FHIT: variants seen among roughly 807,000 people sequenced by gnomAD.
The protein encoded by FHIT is bis(5'-adenosyl)-triphosphatase.
FHIT carries 19 observed loss-of-function variants against 17.9 expected under a neutral mutation model. The observed-to-expected ratio is 1.06, with a 90% CI of 0.74 to 1.56. The LOEUF is 1.56. Ranked by LOEUF, FHIT falls within the 40% of genes most tolerant of loss-of-function variation. FHIT has a pLI of 0.00. For missense variants in FHIT, 248 were observed against 189.2 expected, an observed-to-expected ratio of 1.31 and a Z score of -1.82; for synonymous variants, 81 against 69.7, an observed-to-expected ratio of 1.16 and a Z score of -0.81.
intron 5 of FHIT, among the ~76,000 whole-genome samples, chr3:60,310,772 T>C (rs971989657): frequency 2.6e-5 from 4 of 152,150 alleles, no homozygotes; most frequent in Admixed American, 2.6e-4. Flanking sequence ...GAAATTTATT[T>C]CAAACTTATC....
chr3:60,435,665 TA>T (rs1275610834), intron 5 of FHIT, among the ~76,000 whole-genome samples: 1 of 152,124 alleles, frequency 6.6e-6, no homozygotes, highest in African/African-American at 2.4e-5. Context: ...ATAACTTTTA[TA>T]TTGTAAGTTA....
At chr3:61,058,403 A>C (rs1200867777) in intron 2 of FHIT, among the ~76,000 whole-genome samples, 1 of 152,226 alleles carries the variant, frequency 6.6e-6, no homozygotes, top group Non-Finnish European at 1.5e-5. Flanking sequence ...TAAGGAGGAA[A>C]GATATGAATA....
chr3:61,037,464 C>G (rs1207722681), intron 3 of FHIT, among the ~76,000 whole-genome samples: 1 of 152,142 alleles, frequency 6.6e-6, no homozygotes, highest in Admixed American at 6.5e-5. Context: ...TTTTCTTCTT[C>G]TGTTAACAAT....
chr3:59,853,249 C>T (rs1235668746), intron 8 of FHIT, among the ~76,000 whole-genome samples: 2 of 152,140 alleles, frequency 1.3e-5, no homozygotes, highest in African/African-American at 4.8e-5. Flanking sequence ...ACTGTTTGAA[C>T]ACTCATTTTT....
chr3:59,852,127 G>A (rs995451006), intron 8 of FHIT, among the ~76,000 whole-genome samples: 4 of 152,070 alleles, frequency 2.6e-5, no homozygotes, highest in Admixed American at 2.0e-4. Context: ...CCAGCATATG[G>A]CTCTCCACCC....
chr3:59,767,041 G>T (rs1403377485), intron 8 of FHIT, among the ~76,000 whole-genome samples: 1 of 152,116 alleles, frequency 6.6e-6, no homozygotes, highest in Non-Finnish European at 1.5e-5. Flanking sequence ...CATCCCAGAT[G>T]CAAAACAACC....
intron 5 of FHIT, among the ~76,000 whole-genome samples, chr3:60,498,642 G>T (rs537966208): frequency 6.6e-6 from 1 of 152,076 alleles, no homozygotes; most frequent in Non-Finnish European, 1.5e-5. Flanking sequence ...TCTTTGTCAA[G>T]AAGGTCAAAT....
intron 5 of FHIT, among the ~76,000 whole-genome samples, chr3:60,325,049 C>G (rs1465857040): frequency 6.6e-6 from 1 of 151,850 alleles, no homozygotes; most frequent in East Asian, 1.9e-4. Flanking sequence ...AATTTTCATT[C>G]TTAATATTTT....
chr3:60,197,668 G>A (rs952086788), intron 5 of FHIT, among the ~76,000 whole-genome samples: 6 of 152,104 alleles, frequency 3.9e-5, no homozygotes, highest in African/African-American at 9.7e-5. Flanking sequence ...TAGTACTTCC[G>A]AGGTTGTTCA....
At chr3:60,013,781 C>A (rs895545617) in intron 6 of FHIT, among the ~76,000 whole-genome samples, 3 of 152,296 alleles carry the variant, frequency 2.0e-5, no homozygotes, top group African/African-American at 7.2e-5. Flanking sequence ...ATTACTCCCA[C>A]CTGCTTGGTA....
intron 5 of FHIT, among the ~76,000 whole-genome samples, chr3:60,401,375 A>T (rs11921834): frequency 0.011 from 1,633 of 152,274 alleles, 31 homozygotes; most frequent in African/African-American, 0.037. Flanking sequence ...TGTACCTGCC[A>T]GACTCACTGA....
intron 5 of FHIT, among the ~76,000 whole-genome samples, chr3:60,441,754 A>ATTT (rs1401129617): frequency 2.2e-5 from 1 of 46,380 alleles, no homozygotes; most frequent in East Asian, 9.4e-4. Flanking sequence ...TTATATATAT[A>ATTT]AAAATATATA....
intron 5 of FHIT, among the ~76,000 whole-genome samples, chr3:60,029,764 G>C (rs1229016211): frequency 1.3e-5 from 2 of 152,104 alleles, no homozygotes; most frequent in African/African-American, 4.8e-5. Context: ...GGGCAAGTGA[G>C]GAGAATTACC....
At chr3:60,190,846 G>A (rs1433590071) in intron 5 of FHIT, among the ~76,000 whole-genome samples, 2 of 152,032 alleles carry the variant, frequency 1.3e-5, no homozygotes, top group Non-Finnish European at 2.9e-5. Context: ...GGGGAACTGA[G>A]GCATGAGAAT....
chr3:60,633,529 T>TG (rs2039501995), intron 4 of FHIT, among the ~76,000 whole-genome samples: 1 of 152,188 alleles, frequency 6.6e-6, no homozygotes, highest in Admixed American at 6.5e-5. Flanking sequence ...AAAACAGTTG[T>TG]ACAAAAGATG....
At chr3:60,202,502 C>T (rs1379417704) in intron 5 of FHIT, among the ~76,000 whole-genome samples, 1 of 152,182 alleles carries the variant, frequency 6.6e-6, no homozygotes, top group Non-Finnish European at 1.5e-5. Flanking sequence ...CATTAATTTA[C>T]TTGTTCACAG....
chr3:59,908,272 CA>C (rs775793520), intron 8 of FHIT, among the ~76,000 whole-genome samples: 37 of 152,300 alleles, frequency 2.4e-4, no homozygotes, highest in Non-Finnish European at 4.9e-4. Context: ...CACAGCTTTG[CA>C]AAGAGAATAA....
At chr3:60,526,036 A>T (rs1191365488) in intron 5 of FHIT, among the ~76,000 whole-genome samples, 1 of 152,092 alleles carries the variant, frequency 6.6e-6, no homozygotes, top group Non-Finnish European at 1.5e-5. Context: ...CCTGGAGCTC[A>T]AGGCTGCAGT....
rs1255138462 is a variant in FHIT, at chr3:60,707,289, CTACTA to C, written c.-18+114625_-18+114629del. 2.0e-5 allele frequency among the ~76,000 whole-genome samples: 3 copies of C among 152,156 alleles called. No individual in the cohort carries two copies. The East Asian group carries it at 5.8e-4, about 29-fold the overall frequency. ...ATCACCTTACAGATGATTCTATGAT[CTACTA>C]TAACTTTATAATGGCAAAGCCACTG... On this transcript the variant is annotated intron_variant, in intron 4 of 9. Coordinates refer to ENST00000492590, the MANE Select transcript of FHIT (RefSeq NM_002012.4).
Sources: allele counts gnomAD v4.1 joint callset (sites outside exome capture counted in the v4.1 genomes callset), GRCh38; gene constraint gnomAD v4.1.1; transcripts MANE v1.5; gene names NCBI Gene and HGNC (gene_info 2026-07-23, HGNC 2026-07-21).